The following PCDH15 variants were observed in gnomAD, a reference collection of about 807,000 sequenced individuals.
The protein encoded by PCDH15 is protocadherin-15.
In PCDH15, 129 loss-of-function variants were observed where a neutral mutation model predicts 178.5. That is an observed-to-expected ratio of 0.72 (90% CI 0.63 to 0.84). The LOEUF is 0.84. Among genes scored for constraint, PCDH15 ranks in the 40% least tolerant of loss-of-function variants. The pLI is 0.00. For synonymous variants in PCDH15, 800 were observed against 732.0 expected (o/e 1.09, Z -1.50); for missense variants, 2,230 against 2,099.9 (o/e 1.06, Z -1.21).
chr10:55,437,546 A>T (rs982782581), intron 2 of PCDH15, among the ~76,000 whole-genome samples: 1 of 152,186 alleles, frequency 6.6e-6, no homozygotes, highest in Non-Finnish European at 1.5e-5. Flanking sequence ...AAATGGCCCT[A>T]TTTATACAAG....
intron 3 of PCDH15, among the ~76,000 whole-genome samples, chr10:54,495,582 C>T (rs1272158615): frequency 1.3e-5 from 2 of 152,104 alleles, no homozygotes; most frequent in African/African-American, 2.4e-5. Flanking sequence ...CCTTGATAAT[C>T]TCTGGTCCTT....
intron 2 of PCDH15, among the ~76,000 whole-genome samples, chr10:54,987,172 G>A (rs1403842382): frequency 3.3e-5 from 5 of 152,184 alleles, no homozygotes; most frequent in South Asian, 2.1e-4. Context: ...AGCTTCATCC[G>A]TGTCCCTGCA....
intron 2 of PCDH15, among the ~76,000 whole-genome samples, chr10:55,129,889 A>G (rs1445943292): frequency 6.6e-6 from 1 of 152,158 alleles, no homozygotes. Context: ...CAAATGTGCA[A>G]TGCTATATAA....
intron 2 of PCDH15, among the ~76,000 whole-genome samples, chr10:54,910,065 C>T (rs945733086): frequency 1.3e-5 from 2 of 152,132 alleles, no homozygotes; most frequent in East Asian, 1.9e-4. Flanking sequence ...AGAAGTCCTG[C>T]CCATCTGTGC....
intron 1 of PCDH15, among the ~76,000 whole-genome samples, chr10:55,274,120 C>T (rs1842522936): frequency 1.3e-5 from 2 of 152,086 alleles, no homozygotes; most frequent in East Asian, 1.9e-4. Context: ...GGTTTGTATA[C>T]TGAGCCAAAA....
chr10:54,401,754 C>A (rs1951961138), intron 3 of PCDH15, among the ~76,000 whole-genome samples: 1 of 151,814 alleles, frequency 6.6e-6, no homozygotes, highest in Non-Finnish European at 1.5e-5. Flanking sequence ...AGAATTAAGT[C>A]TAAAACATAT....
intron 1 of PCDH15, among the ~76,000 whole-genome samples, chr10:54,727,058 G>A: frequency 6.6e-6 from 1 of 151,254 alleles, no homozygotes; most frequent in East Asian, 1.9e-4. Flanking sequence ...ACTCAGGAAA[G>A]ACATTTGAGA....
intron 1 of PCDH15, among the ~76,000 whole-genome samples, chr10:54,708,923 CA>C (rs1204140958): frequency 6.6e-6 from 1 of 152,054 alleles, no homozygotes; most frequent in Non-Finnish European, 1.5e-5. Flanking sequence ...AACAAAATAT[CA>C]GAAGCAAACA....
chr10:54,292,111 A>G (rs2059455004), intron 8 of PCDH15, among the ~76,000 whole-genome samples: 1 of 152,192 alleles, frequency 6.6e-6, no homozygotes, highest in Non-Finnish European at 1.5e-5. Flanking sequence ...CACAAGAAAA[A>G]GCTTATCCAC....
At chr10:54,719,325 G>GT (rs909727895) in intron 1 of PCDH15, among the ~76,000 whole-genome samples, 2 of 151,970 alleles carry the variant, frequency 1.3e-5, no homozygotes, top group African/African-American at 2.4e-5. Flanking sequence ...TTAACAAAGA[G>GT]TTTTTTTAAA....
chr10:54,634,060 G>A (rs1565808275), intron 2 of PCDH15, among the ~76,000 whole-genome samples: 1 of 152,050 alleles, frequency 6.6e-6, no homozygotes, highest in Non-Finnish European at 1.5e-5. Flanking sequence ...CAGGTTTCTT[G>A]TGTCCATAGC....
At position 55,201,409 on chromosome 10, in the gene PCDH15, A is replaced by G. The variant is rs1293995271; in HGVS notation, c.-155-34758T>C. On this transcript the variant is annotated intron_variant, in intron 1 of 5. Transcript: ENST00000458638. Reference sequence around the variant, plus strand: ...CTGTTACTTGCAATTGAGGGGGGAAAAAACCCAAAATGTAGGAGAAAATAT... The same window carrying G: ...CTGTTACTTGCAATTGAGGGGGGAAGAAACCCAAAATGTAGGAGAAAATAT... Among the ~76,000 whole-genome samples, 3 of 152,136 alleles carry G rather than the reference A, an allele frequency of 2.0e-5. No homozygotes were observed. In the East Asian group the frequency reaches 5.8e-4, roughly 29 times the overall value.
Position 55,549,465 on chromosome 10 carries a change from T to A in PCDH15, c.-156+78160A>T, listed in dbSNP as rs920491603. Among the ~76,000 whole-genome samples, 44 of 152,272 alleles carry A rather than the reference T, an allele frequency of 2.9e-4. 1 individual carries two copies. Among genetic ancestry groups the A allele is most frequent in the Admixed American group, 1.4e-3 (22 of 15,276 alleles). On this transcript the variant is annotated intron_variant, in intron 2 of 5. Coordinates refer to the PCDH15 transcript ENST00000613346. ...GTATATTTTCTTTTTAACAAGGCTCTGTGTCAGCATTATGCATCTAGCAGG... is the reference window on the plus strand; with the variant it reads ...GTATATTTTCTTTTTAACAAGGCTCAGTGTCAGCATTATGCATCTAGCAGG...
chr10:55,129,190 G>A (rs567231705), intron 2 of PCDH15, among the ~76,000 whole-genome samples: 3 of 152,140 alleles, frequency 2.0e-5, no homozygotes, highest in African/African-American at 4.8e-5. Context: ...CTATACAAAA[G>A]TCATTGAAAA....
At chr10:54,908,079 G>A (rs1954757097) in intron 2 of PCDH15, among the ~76,000 whole-genome samples, 1 of 152,212 alleles carries the variant, frequency 6.6e-6, no homozygotes, top group African/African-American at 2.4e-5. Context: ...GGAAACCTCT[G>A]TGGCCAGTGG....
intron 2 of PCDH15, among the ~76,000 whole-genome samples, chr10:55,390,414 G>A (rs892900992): frequency 6.6e-6 from 1 of 152,058 alleles, no homozygotes; most frequent in Non-Finnish European, 1.5e-5. Context: ...CACATTAATT[G>A]AGTATTCCTT....
rs1377122578 is a variant in PCDH15 at position 54,230,590 on chromosome 10, G to A, written c.985+6233C>T. 5.3e-5 allele frequency among the ~76,000 whole-genome samples: 8 copies of A among 152,060 alleles called. No homozygotes were observed. In the East Asian group the frequency reaches 1.2e-3, roughly 22 times the overall value. On this transcript the variant is annotated intron_variant, in intron 9 of 37. Transcript: ENST00000644397. ...TTCACATTTCCAATATGAGTATACT[G>A]TATACTTGGCCATGAAAGTGCTAAT...
chr10:54,186,504 C>T (rs1176146886), intron 11 of PCDH15, among the ~76,000 whole-genome samples: 2 of 151,800 alleles, frequency 1.3e-5, no homozygotes, highest in South Asian at 4.1e-4. Context: ...TTTCAAATAA[C>T]CTTGAAATAA....
In PCDH15 at chr10:54,752,664, T is replaced by TA. The variant is rs1277391164; in HGVS notation, c.-29+48260dup. 1.1e-4 allele frequency among the ~76,000 whole-genome samples: 17 copies of TA among 151,458 alleles called. No individual in the cohort carries two copies. The East Asian group carries it at 1.4e-3, about 12-fold the overall frequency. Reference sequence around the variant, plus strand: ...CATTCTTTGATGTCCCTCATGTTTCTAAAAAAAATGATGCCGAGTGTATCT... The same window carrying TA: ...CATTCTTTGATGTCCCTCATGTTTCTAAAAAAAAATGATGCCGAGTGTATCT... On this transcript the variant is annotated intron_variant, in intron 1 of 37. Coordinates refer to ENST00000644397, the MANE Select transcript of PCDH15 (RefSeq NM_001384140.1).
Sources: allele counts gnomAD v4.1 joint callset (sites outside exome capture counted in the v4.1 genomes callset), GRCh38; gene constraint gnomAD v4.1.1; transcripts MANE v1.5; gene names NCBI Gene and HGNC (gene_info 2026-07-23, HGNC 2026-07-21).